The following ARHGEF10 variants were observed in gnomAD, a reference collection of about 807,000 sequenced individuals.
ARHGEF10 encodes the protein Rho guanine nucleotide exchange factor 10, also known as Rho guanine nucleotide exchange factor (GEF) 10.
A neutral mutation model predicts 147.4 loss-of-function variants in ARHGEF10; 140 were observed. The observed-to-expected ratio is 0.95, with a 90% confidence interval of 0.83 to 1.09. The LOEUF is 1.09. Among genes scored for constraint, ARHGEF10 ranks in the 50% least tolerant of loss-of-function variants. The probability of loss-of-function intolerance (pLI) is 0.00; values close to 1 mark genes in which losing one functional copy is unlikely to be tolerated. For synonymous variants in ARHGEF10, 902 were observed against 695.8 expected (o/e 1.30, Z -4.67); for missense variants, 2,222 against 1,752.7 (o/e 1.27, Z -4.78).
chr8:1,865,451 G>C (rs1245797324), intron 5 of ARHGEF10, among the ~76,000 whole-genome samples: 1 of 127,164 alleles, frequency 7.9e-6, no homozygotes, highest in South Asian at 2.6e-4. Flanking sequence ...CATCACCAGG[G>C]CATGGGGCAT....
intron 17 of ARHGEF10, among the ~76,000 whole-genome samples, chr8:1,907,709 C>A (rs1324703273): frequency 6.6e-6 from 1 of 152,186 alleles, no homozygotes; most frequent in Non-Finnish European, 1.5e-5. Context: ...TAAAATAACG[C>A]CCCTGCCTTT....
intron 2 of ARHGEF10, among the ~76,000 whole-genome samples, chr8:1,844,691 T>A (rs1231602832): frequency 6.6e-6 from 1 of 152,122 alleles, no homozygotes; most frequent in Non-Finnish European, 1.5e-5. Flanking sequence ...CTTGCCTTTT[T>A]GTCGCCATGG....
At chr8:1,887,149 T>A (rs1425310522) in intron 11 of ARHGEF10, among the ~76,000 whole-genome samples, 2 of 152,198 alleles carry the variant, frequency 1.3e-5, no homozygotes, top group Non-Finnish European at 2.9e-5. Context: ...GGACACACCA[T>A]GTGAGAGGAA....
At chr8:1,952,081 A>T (rs554589430) in intron 27 of ARHGEF10, among the ~76,000 whole-genome samples, 13 of 152,348 alleles carry the variant, frequency 8.5e-5, no homozygotes, top group African/African-American at 2.9e-4. Context: ...AAGCAAATCA[A>T]AACCAAACTA....
At chr8:1,885,765 A>G (rs1388393668) in intron 11 of ARHGEF10, 58 bp downstream of exon 11, 57 of 1,341,274 alleles carry the variant, frequency 4.2e-5, no homozygotes, top group Non-Finnish European at 5.1e-5. Context: ...TAGTTTTTAA[A>G]TATTTGTGTG....
At position 1,923,813 on chromosome 8, in the gene ARHGEF10, G is replaced by C. The variant is rs533238205; in HGVS notation, c.2427G>C (p.Thr809=). The C allele has an allele frequency of 1.2e-6, 2 of 1,614,132 alleles. No homozygotes were observed. The highest frequency in any genetic ancestry group is 1.7e-6 in the Non-Finnish European group (2 of 1,180,034). ...RPTFFTAVFN[T]FTPAIKESWV... is the part of the protein sequence containing the mutation. ...CGTTCTTTACAGCTGTGTTCAATAC[G>C]TTCACCCCTGCCATCAAGGAGTCCT... Residue 809 remains threonine (T), a synonymous_variant, in exon 21 of 29, where the codon ACG becomes ACC. Transcript: ENST00000349830.
In ARHGEF10 at chr8:1,957,215, G is replaced by A; in HGVS notation, c.3987G>A (p.Glu1329=). Residue 1329 remains glutamate (E), a synonymous_variant, in exon 29 of 29, where the codon GAG becomes GAA. Transcript: ENST00000349830. ...AGGCCCGGCAGCCCCACCAGGAAGA[G>A]CTGGCGCCGACCGTCATGGTCTGGC... ...HRKARQPHQE[E]LAPTVMVWQI... The A allele has an allele frequency of 6.2e-7, 1 of 1,612,068 alleles. No homozygotes were observed. Among genetic ancestry groups the A allele is most frequent in the Non-Finnish European group, 8.5e-7 (1 of 1,179,926 alleles).
At chr8:1,929,505 C>T (rs1055280073) in intron 25 of ARHGEF10, 62 bp downstream of exon 25, 119 of 1,526,800 alleles carry the variant, frequency 7.8e-5, no homozygotes, top group South Asian at 4.7e-4. Flanking sequence ...ACTGTGCATC[C>T]GGTTTAGCCT....
intron 27 of ARHGEF10, among the ~76,000 whole-genome samples, chr8:1,951,087 G>C (rs1030209004): frequency 2.0e-5 from 3 of 152,322 alleles, no homozygotes; most frequent in East Asian, 1.9e-4. Context: ...GTTCAGGTTT[G>C]ATGCTGAACT....
At chr8:1,859,493 AGT>A (rs1183386427) in intron 3 of ARHGEF10, among the ~76,000 whole-genome samples, 2 of 127,158 alleles carry the variant, frequency 1.6e-5, no homozygotes, top group Non-Finnish European at 3.4e-5. Context: ...TTGTTTGCAC[AGT>A]GTTTCTTTGG....
At chr8:1,888,084 A>G (rs1426727764) in intron 11 of ARHGEF10, among the ~76,000 whole-genome samples, 1 of 140,418 alleles carries the variant, frequency 7.1e-6, no homozygotes, top group East Asian at 2.3e-4. Flanking sequence ...ATGAGGAGAC[A>G]CTAGGTAGGG....
intron 10 of ARHGEF10, among the ~76,000 whole-genome samples, chr8:1,883,124 T>C (rs1006518817): frequency 6.6e-6 from 1 of 152,192 alleles, no homozygotes; most frequent in African/African-American, 2.4e-5. Flanking sequence ...CGTCCTGAAC[T>C]GGCATTTCAG....
intron 7 of ARHGEF10, among the ~76,000 whole-genome samples, chr8:1,871,982 G>T (rs1807167481): frequency 6.6e-6 from 1 of 151,998 alleles, no homozygotes; most frequent in Non-Finnish European, 1.5e-5. Flanking sequence ...CAAAACCAAA[G>T]GTTGGTTCTT....
chr8:1,899,206 C>T (rs1309173244), intron 15 of ARHGEF10, among the ~76,000 whole-genome samples: 1 of 152,198 alleles, frequency 6.6e-6, no homozygotes, highest in Non-Finnish European at 1.5e-5. Context: ...GCTCGTTTTC[C>T]GACCTTCCCA....
chr8:1,914,301 C>T (rs529936449), intron 18 of ARHGEF10, among the ~76,000 whole-genome samples: 4 of 152,312 alleles, frequency 2.6e-5, no homozygotes, highest in South Asian at 2.1e-4. Context: ...GCCAAGTGGC[C>T]GTTCTGTGGA....
chr8:1,834,668 C>T (rs549957662), intron 1 of ARHGEF10, among the ~76,000 whole-genome samples: 1 of 152,332 alleles, frequency 6.6e-6, no homozygotes, highest in South Asian at 2.1e-4. Context: ...AAAGGACTGG[C>T]GTGTTTGGCT....
Position 1,928,795 on chromosome 8 carries a change from G to T in ARHGEF10, c.2921+145G>T, listed in dbSNP as rs1390459807. 1.0e-5 allele frequency: 9 copies of T among 865,038 alleles called. No individual in the cohort carries two copies. The Admixed American group carries it at 1.8e-4, about 18-fold the overall frequency. 53.6% of individuals were successfully genotyped at this position (865,038 alleles called of 1,614,324 possible). A position where few individuals can be genotyped will look rare whatever the true frequency, so the allele number is the denominator to read the frequency against. ...AGGGGATACCAGGGGAAATTTTTAG[G>T]GTCATTGCACTTTGAAATAACTAGT... On this transcript the variant is annotated intron_variant, in intron 24 of 28. Transcript: ENST00000349830.
At chr8:1,905,812 C>G (rs1178461297) in intron 17 of ARHGEF10, 96 bp downstream of exon 17, 1 of 1,515,388 alleles carries the variant, frequency 6.6e-7, no homozygotes, top group Non-Finnish European at 9.1e-7. Context: ...GTCACTCAGA[C>G]TGAACTGGTT....
intron 2 of ARHGEF10, among the ~76,000 whole-genome samples, chr8:1,851,700 T>C (rs1042857428): frequency 1.3e-5 from 2 of 151,890 alleles, no homozygotes; most frequent in African/African-American, 4.8e-5. Flanking sequence ...ATCACTTGAG[T>C]TCAGGAGTTT....
Sources: allele counts gnomAD v4.1 joint callset (sites outside exome capture counted in the v4.1 genomes callset), GRCh38; gene constraint gnomAD v4.1.1; transcripts MANE v1.5; gene names NCBI Gene and HGNC (gene_info 2026-07-23, HGNC 2026-07-21).